Variants in TP73 observed in about 807,000 individuals in gnomAD.
TP73 encodes the protein tumor protein p73.
A neutral mutation model predicts 62.5 loss-of-function variants in TP73; 25 were observed. The observed-to-expected ratio is 0.40, with a 90% CI of 0.29 to 0.56. The LOEUF is 0.56. Ranked by LOEUF, TP73 falls within the 20% of genes least tolerant of loss-of-function variation. The pLI, the probability that TP73 is intolerant of heterozygous loss-of-function variation, is 0.46. For synonymous variants in TP73, 423 were observed against 377.5 expected (o/e 1.12, Z -1.40); for missense variants, 754 against 913.3 (o/e 0.83, Z 2.25).
At chr1:3,694,672 G>A (rs71634354) in intron 3 of TP73, among the ~76,000 whole-genome samples, 49 of 17,368 alleles carry the variant, frequency 2.8e-3, no homozygotes, top group African/African-American at 6.5e-3. Flanking sequence ...CCCTCCTCCC[G>A]CAATCCCACC....
At chr1:3,720,729 G>C (rs1340367918) in intron 4 of TP73, among the ~76,000 whole-genome samples, 1 of 152,194 alleles carries the variant, frequency 6.6e-6, no homozygotes, top group Admixed American at 6.5e-5. Context: ...TGGCTCCTGA[G>C]AGCCCCTCAT....
intron 4 of TP73, among the ~76,000 whole-genome samples, chr1:3,710,446 T>C (rs1247398931): frequency 3.9e-5 from 6 of 152,178 alleles, no homozygotes; most frequent in Non-Finnish European, 7.4e-5. Flanking sequence ...CTCCCAGCTC[T>C]GGGGTCCCAC....
chr1:3,673,123 C>A (rs1247691055), intron 1 of TP73, among the ~76,000 whole-genome samples: 1 of 152,260 alleles, frequency 6.6e-6, no homozygotes, highest in Non-Finnish European at 1.5e-5. Flanking sequence ...CAACTGGGCA[C>A]TACCCGTTTC....
intron 1 of TP73, among the ~76,000 whole-genome samples, chr1:3,674,868 T>C (rs1645329156): frequency 6.6e-6 from 1 of 152,218 alleles, no homozygotes; most frequent in South Asian, 2.1e-4. Context: ...AGGGCCAGCC[T>C]GCCTGGCTTC....
chr1:3,720,467 C>T (rs1375810694), intron 4 of TP73, among the ~76,000 whole-genome samples: 1 of 152,210 alleles, frequency 6.6e-6, no homozygotes, highest in Admixed American at 6.5e-5. Flanking sequence ...GACCCCCTTC[C>T]ACTTGTCCCT....
chr1:3,668,425 G>A (rs893975146), intron 1 of TP73, among the ~76,000 whole-genome samples: 1 of 152,066 alleles, frequency 6.6e-6, no homozygotes, highest in Non-Finnish European at 1.5e-5. Context: ...AAATTGGGGC[G>A]GGGCTCCTCA....
chr1:3,687,602 G>T (rs1171917393), intron 3 of TP73, among the ~76,000 whole-genome samples: 2 of 152,216 alleles, frequency 1.3e-5, no homozygotes, highest in African/African-American at 4.8e-5. Context: ...TGGCTCTCAG[G>T]ATGCTCCACA....
At chr1:3,684,486 G>A (rs1425620999) in intron 3 of TP73, among the ~76,000 whole-genome samples, 5 of 152,206 alleles carry the variant, frequency 3.3e-5, no homozygotes, top group African/African-American at 1.2e-4. Context: ...GACTGTCTGA[G>A]GCATGGGGGT....
intron 3 of TP73, chr1:3,698,052 T>C: frequency 2.0e-6 from 2 of 984,904 alleles, no homozygotes; most frequent in South Asian, 9.4e-5. Flanking sequence ...CACTAATGTG[T>C]GCTGGAAGGT....
chr1:3,706,430 TAATAGGGACAATCACGGTGCCCGCC>T (rs1557542748), intron 3 of TP73, among the ~76,000 whole-genome samples: 9 of 45,560 alleles, frequency 2.0e-4, no homozygotes, highest in East Asian at 3.9e-4. Context: ...GGGAGGGGGG[TAATAGGGACAATCACGGTGCCCGCC>T]GCAGGCCCGG....
chr1:3,732,626 C>G, intron 13 of TP73, 121 bp from the exon 14 acceptor site: 3 of 864,946 alleles, frequency 3.5e-6, no homozygotes, highest in Non-Finnish European at 5.2e-6. Flanking sequence ...CGTCTCCTGC[C>G]TACTCTGGTT....
chr1:3,688,692 G>A lies in TP73; in HGVS notation c.186+5512G>A, dbSNP rs905646223. On this transcript the variant is annotated intron_variant, in intron 3 of 13. Transcript: ENST00000378295. ...GAACGTTTGCAGAAAGCTGGGTGCC[G>A]CTCTGGGGCAGAGGCCAGTGGTTTT... is the stretch of plus-strand genomic sequence containing the variant. Among the ~76,000 whole-genome samples the A allele has an allele frequency of 5.3e-5, 8 of 152,222 alleles. 1 individual carries two copies. The highest frequency in any genetic ancestry group is 9.6e-5 in the African/African-American group (4 of 41,454).
At chr1:3,659,177 G>GA (rs5772114) in intron 1 of TP73, 32,988 of 147,236 alleles carry the variant, frequency 0.22, 4,681 homozygotes, top group African/African-American at 0.41. Flanking sequence ...GGAAACAAAA[G>GA]AAAAAAAAAA....
At chr1:3,653,816 C>A (rs1557473621) in intron 1 of TP73, among the ~76,000 whole-genome samples, 1 of 152,192 alleles carries the variant, frequency 6.6e-6, no homozygotes, top group Non-Finnish European at 1.5e-5. Flanking sequence ...AAGAACAGGA[C>A]ACGGTGTTTG....
At chr1:3,714,157 G>A (rs1037473830) in intron 4 of TP73, 1 of 152,184 alleles carries the variant, frequency 6.6e-6, no homozygotes, top group Non-Finnish European at 1.5e-5. Flanking sequence ...ACAAAGTTTA[G>A]CAAAAACCTA....
chr1:3,719,909 T>TGTGTGTGTGTGTGTTC (rs1553144508), intron 4 of TP73, among the ~76,000 whole-genome samples: 27 of 150,822 alleles, frequency 1.8e-4, no homozygotes, highest in African/African-American at 6.4e-4. Context: ...TGTGTGTGTG[T>TGTGTGTGTGTGTGTTC]GTGTGTGTGT....
intron 1 of TP73, among the ~76,000 whole-genome samples, chr1:3,654,886 C>T (rs1484246929): frequency 1.3e-5 from 2 of 152,206 alleles, no homozygotes; most frequent in African/African-American, 2.4e-5. Flanking sequence ...GGATTGATAA[C>T]ACTGAGCACG....
chr1:3,676,602 G>A (rs1338144544), intron 1 of TP73, among the ~76,000 whole-genome samples: 1 of 151,934 alleles, frequency 6.6e-6, no homozygotes, highest in African/African-American at 2.4e-5. Context: ...CACCGGCTGC[G>A]GACTCCTCCC....
Position 3,672,705 on chromosome 1 carries a change from G to A in TP73, c.-33-9628G>A, listed in dbSNP as rs1645269613. On this transcript the variant is annotated intron_variant, in intron 1 of 13. Transcript: ENST00000378295. The surrounding 1 kb of genome is among the most constrained non-coding windows in gnomAD (Gnocchi z 5.3). ...TGCTCCTACCACCCCCGCCAGGGTC[G>A]CCCTTCCTCTAACAGGTGGGCTCCT... 6.6e-6 allele frequency among the ~76,000 whole-genome samples: 1 copy of A among 151,808 alleles called. No homozygotes were observed. The highest frequency in any genetic ancestry group is 2.4e-5 in the African/African-American group (1 of 41,296).
Sources: allele counts gnomAD v4.1 joint callset (sites outside exome capture counted in the v4.1 genomes callset), GRCh38; gene constraint gnomAD v4.1.1; non-coding constraint Gnocchi (gnomAD v3.1); transcripts MANE v1.5; gene names NCBI Gene and HGNC (gene_info 2026-07-23, HGNC 2026-07-21).